Variants in ROBO2 observed in about 807,000 individuals in gnomAD.
The protein encoded by ROBO2 is roundabout guidance receptor 2.
Under a neutral mutation model 160.8 loss-of-function variants are expected in ROBO2, and 53 were observed. That is an observed-to-expected ratio of 0.33 (90% confidence interval 0.26 to 0.41). The LOEUF is 0.41. Among genes scored for constraint, ROBO2 ranks in the 10% least tolerant of loss-of-function variants. ROBO2 has a pLI of 1.00. For missense variants in ROBO2, 1,577 were observed against 1,722.4 expected (o/e 0.92, Z 1.49); for synonymous variants, 664 against 611.7 (o/e 1.09, Z -1.26).
chr3:77,186,565 G>C (rs1311118731), intron 2 of ROBO2, among the ~76,000 whole-genome samples: 1 of 151,878 alleles, frequency 6.6e-6, no homozygotes, highest in Non-Finnish European at 1.5e-5. Flanking sequence ...GGAGCACAGA[G>C]GGCAGTCTAG....
intron 2 of ROBO2, among the ~76,000 whole-genome samples, chr3:77,233,127 A>G (rs1350152775): frequency 6.6e-6 from 1 of 152,184 alleles, no homozygotes; most frequent in African/African-American, 2.4e-5. Context: ...ATAGTTTTTA[A>G]CCTAACTTCC....
At chr3:75,995,121 A>T (rs1189879654) in intron 2 of ROBO2, among the ~76,000 whole-genome samples, 1 of 152,212 alleles carries the variant, frequency 6.6e-6, no homozygotes, top group Non-Finnish European at 1.5e-5. Context: ...GGAGAAATTA[A>T]AGCCTGCTGC....
chr3:76,122,335 G>A (rs371008397), intron 2 of ROBO2, among the ~76,000 whole-genome samples: 1 of 151,926 alleles, frequency 6.6e-6, no homozygotes, highest in African/African-American at 2.4e-5. Context: ...GGTGATTTGT[G>A]GATTGTGTCT....
intron 2 of ROBO2, among the ~76,000 whole-genome samples, chr3:76,704,368 T>G (rs2093113059): frequency 6.6e-6 from 1 of 152,120 alleles, no homozygotes; most frequent in Non-Finnish European, 1.5e-5. Flanking sequence ...GCATTTTGAC[T>G]TTTGTTGATC....
intron 14 of ROBO2, among the ~76,000 whole-genome samples, chr3:77,575,986 G>A (rs1035779943): frequency 2.6e-5 from 4 of 152,086 alleles, no homozygotes; most frequent in African/African-American, 9.7e-5. Context: ...AATGATGAGC[G>A]GCGATTTGGG....
At chr3:76,991,374 A>G (rs1428353570) in intron 2 of ROBO2, among the ~76,000 whole-genome samples, 2 of 152,208 alleles carry the variant, frequency 1.3e-5, no homozygotes, top group African/African-American at 2.4e-5. Flanking sequence ...CCTAAATGCA[A>G]TATCATCGCA....
chr3:77,293,543 A>G (rs1204205662), intron 2 of ROBO2, among the ~76,000 whole-genome samples: 1 of 147,862 alleles, frequency 6.8e-6, no homozygotes, highest in Non-Finnish European at 1.5e-5. Context: ...CTGAGGCTAG[A>G]GCACTAAAGA....
chr3:76,664,891 G>A (rs1339948297), intron 2 of ROBO2, among the ~76,000 whole-genome samples: 1 of 152,180 alleles, frequency 6.6e-6, no homozygotes, highest in African/African-American at 2.4e-5. Flanking sequence ...TGATATTGGA[G>A]TGAGATGGAG....
At chr3:77,183,188 G>A (rs886236841) in intron 2 of ROBO2, among the ~76,000 whole-genome samples, 10 of 151,922 alleles carry the variant, frequency 6.6e-5, no homozygotes, top group African/African-American at 1.9e-4. Flanking sequence ...AAGCTGAAAC[G>A]TTCTTTCCTT....
chr3:76,230,878 A>C (rs1704581183), intron 2 of ROBO2, among the ~76,000 whole-genome samples: 1 of 152,152 alleles, frequency 6.6e-6, no homozygotes, highest in Non-Finnish European at 1.5e-5. Flanking sequence ...CTTTTAACAA[A>C]GGAATTAGGA....
In ROBO2 at chr3:77,111,593, C is replaced by G. The variant is rs1295267690; in HGVS notation, c.388+13253C>G. 2.0e-5 allele frequency among the ~76,000 whole-genome samples: 3 copies of G among 152,038 alleles called. No homozygotes were observed. The South Asian group carries it at 6.2e-4, about 32-fold the overall frequency. On this transcript the variant is annotated intron_variant, in intron 2 of 25. Coordinates refer to ENST00000461745, the Ensembl canonical transcript of ROBO2. ...TTTAACTTGTGATACATTCTGTGTA[C>G]AGTTTCATGAATTTATCTTCATATC...
chr3:77,295,825 A>G (rs2062023442), intron 2 of ROBO2, among the ~76,000 whole-genome samples: 1 of 150,264 alleles, frequency 6.7e-6, no homozygotes. Flanking sequence ...AAAGACATAA[A>G]GTAAAATTGA....
intron 2 of ROBO2, among the ~76,000 whole-genome samples, chr3:77,380,810 C>A (rs1181374699): frequency 2.0e-5 from 3 of 151,180 alleles, no homozygotes; most frequent in Non-Finnish European, 4.4e-5. Context: ...CTTTATTTCT[C>A]TCCGCTGATT....
intron 2 of ROBO2, among the ~76,000 whole-genome samples, chr3:76,813,649 G>C (rs1035668721): frequency 2.0e-5 from 3 of 152,060 alleles, no homozygotes; most frequent in Non-Finnish European, 4.4e-5. Flanking sequence ...CTTACTCTAT[G>C]TTAAAATAAA....
chr3:76,674,141 A>G (rs1455947575), intron 2 of ROBO2, among the ~76,000 whole-genome samples: 1 of 152,104 alleles, frequency 6.6e-6, no homozygotes, highest in African/African-American at 2.4e-5. Context: ...CTAGAAATCT[A>G]CATTCCAATT....
At chr3:77,636,675 G>A (rs1176169909) in intron 24 of ROBO2, among the ~76,000 whole-genome samples, 1 of 152,092 alleles carries the variant, frequency 6.6e-6, no homozygotes, top group Admixed American at 6.5e-5. Flanking sequence ...TTCACAAAAT[G>A]GGCAGTGGCT....
intron 2 of ROBO2, among the ~76,000 whole-genome samples, chr3:76,216,933 A>G (rs1703578394): frequency 1.3e-5 from 2 of 152,188 alleles, no homozygotes; most frequent in Non-Finnish European, 2.9e-5. Context: ...CAGCAAATGT[A>G]AAAGAACAGA....
chr3:76,811,838 T>TTTCCTTCCTTCCTTCC (rs59218956), intron 2 of ROBO2, among the ~76,000 whole-genome samples: 22 of 33,468 alleles, frequency 6.6e-4, no homozygotes, highest in African/African-American at 1.9e-3. Context: ...TCCTTCCTTC[T>TTTCCTTCCTTCCTTCC]TTCCTTCCTT....
intron 2 of ROBO2, among the ~76,000 whole-genome samples, chr3:76,169,880 A>T (rs1175260148): frequency 6.6e-6 from 1 of 152,114 alleles, no homozygotes; most frequent in Non-Finnish European, 1.5e-5. Context: ...TCCTGGGTTC[A>T]TGTCATTCTC....
Sources: gnomAD v4.1 joint callset for allele counts (sites outside exome capture counted in the v4.1 genomes callset) on GRCh38, gnomAD v4.1.1 for gene constraint, MANE v1.5 for transcripts, NCBI Gene and HGNC (gene_info 2026-07-23, HGNC 2026-07-21) for gene names.